The following MAGI1 variants were observed in gnomAD, a reference collection of about 807,000 sequenced individuals.
The protein encoded by MAGI1 is membrane associated guanylate kinase, WW and PDZ domain containing 1, also known as membrane-associated guanylate kinase, WW and PDZ domain-containing protein 1.
In MAGI1, 58 loss-of-function variants were observed where a neutral mutation model predicts 139.9. The observed-to-expected ratio is 0.41, with a 90% CI of 0.34 to 0.52. The LOEUF is 0.52. MAGI1 is among the 20% of genes least tolerant of loss of function. The pLI is 0.12. For synonymous variants in MAGI1, 812 were observed against 737.9 expected (o/e 1.10, Z -1.63); for missense variants, 1,874 against 1,901.6 (o/e 0.99, Z 0.27).
At chr3:65,925,690 T>G (rs200826333) in intron 1 of MAGI1, among the ~76,000 whole-genome samples, 1 of 11,206 alleles carries the variant, frequency 8.9e-5, no homozygotes, top group East Asian at 0.25. Flanking sequence ...ATGGACTAAC[T>G]TTTTTTTTAG....
intron 1 of MAGI1, among the ~76,000 whole-genome samples, chr3:65,900,738 T>C (rs894266509): frequency 6.6e-5 from 10 of 152,340 alleles, no homozygotes; most frequent in African/African-American, 2.4e-4. Context: ...AAAGACATAC[T>C]TTCAGCCATC....
At chr3:65,443,814 A>G (rs571970525) in intron 7 of MAGI1, among the ~76,000 whole-genome samples, 1 of 152,328 alleles carries the variant, frequency 6.6e-6, no homozygotes, top group Non-Finnish European at 1.5e-5. Flanking sequence ...TTAGTCCTAG[A>G]AGTAGCTATT....
chr3:65,707,625 A>G lies in MAGI1; in HGVS notation c.314-85537T>C, dbSNP rs190020247. On this transcript the variant is annotated intron_variant, in intron 1 of 22. Transcript: ENST00000402939. Reference sequence around the variant, plus strand: ...GGACTGCTTAAACCTGAGAGGTTGAAGCTACAGTGAACCATGATGGGGTCA... The same window carrying G: ...GGACTGCTTAAACCTGAGAGGTTGAGGCTACAGTGAACCATGATGGGGTCA... 2.1e-3 allele frequency among the ~76,000 whole-genome samples: 315 copies of G among 150,902 alleles called. 2 individuals are homozygous for G. The highest frequency in any genetic ancestry group is 7.3e-3 in the African/African-American group (298 of 41,074).
At chr3:65,722,099 A>C (rs1303730976) in intron 1 of MAGI1, among the ~76,000 whole-genome samples, 1 of 152,142 alleles carries the variant, frequency 6.6e-6, no homozygotes, top group African/African-American at 2.4e-5. Flanking sequence ...GTGCTCTCAC[A>C]GTAGAGCAAG....
At chr3:65,725,230 C>T (rs532581382) in intron 1 of MAGI1, among the ~76,000 whole-genome samples, 16 of 152,246 alleles carry the variant, frequency 1.1e-4, no homozygotes, top group African/African-American at 3.9e-4. Context: ...GACTCTGGAA[C>T]AATAATGTCA....
At chr3:65,634,272 T>C (rs922272833) in intron 1 of MAGI1, among the ~76,000 whole-genome samples, 2 of 152,180 alleles carry the variant, frequency 1.3e-5, no homozygotes, top group Non-Finnish European at 2.9e-5. Flanking sequence ...AGCACCAGTA[T>C]AGAAAATAAA....
chr3:65,355,636 AC>A lies in MAGI1; in HGVS notation c.*741del, dbSNP rs1940164333. On this transcript the variant is annotated 3_prime_UTR_variant, in exon 23 of 23. Coordinates refer to ENST00000402939, the MANE Select transcript of MAGI1 (RefSeq NM_001033057.2). ...ATTTTATCAGATGTTGGTGATGATCACGAACCTGACTGTCTGTGCTTGGGCT... is the reference window on the plus strand; with the variant it reads ...ATTTTATCAGATGTTGGTGATGATCAGAACCTGACTGTCTGTGCTTGGGCT... 1 of 152,714 alleles carries A rather than the reference AC, an allele frequency of 6.5e-6. No individual in the cohort carries two copies. The highest frequency in any genetic ancestry group is 1.5e-5 in the Non-Finnish European group (1 of 68,062). 9.5% of individuals were successfully genotyped at this position (152,714 alleles called of 1,614,324 possible).
chr3:65,941,177 C>A (rs1297106929), intron 1 of MAGI1, among the ~76,000 whole-genome samples: 2 of 152,060 alleles, frequency 1.3e-5, no homozygotes, highest in Non-Finnish European at 1.5e-5. Flanking sequence ...GAAACCCCAT[C>A]TCTACTAAAA....
At chr3:65,681,893 G>A (rs2087615646) in intron 1 of MAGI1, among the ~76,000 whole-genome samples, 1 of 151,994 alleles carries the variant, frequency 6.6e-6, no homozygotes, top group Non-Finnish European at 1.5e-5. Flanking sequence ...AAAAGATGAG[G>A]TCTCGATAGG....
intron 1 of MAGI1, among the ~76,000 whole-genome samples, chr3:65,746,341 C>G (rs1323050384): frequency 1.3e-5 from 2 of 152,144 alleles, no homozygotes; most frequent in Admixed American, 1.3e-4. Flanking sequence ...GCCCTGAATT[C>G]TTAATTCAAT....
intron 1 of MAGI1, among the ~76,000 whole-genome samples, chr3:65,635,629 T>C (rs1407601036): frequency 6.6e-6 from 1 of 152,110 alleles, no homozygotes; most frequent in Non-Finnish European, 1.5e-5. Flanking sequence ...TAATCCAGGG[T>C]TTTAGGAATC....
At chr3:66,013,754 C>T (rs1291468835) in intron 1 of MAGI1, among the ~76,000 whole-genome samples, 3 of 144,900 alleles carry the variant, frequency 2.1e-5, no homozygotes, top group Non-Finnish European at 3.0e-5. Flanking sequence ...GAGTGAGACT[C>T]TGTCTCAAAA....
chr3:65,663,771 G>T (rs548570845), intron 1 of MAGI1, among the ~76,000 whole-genome samples: 35 of 152,120 alleles, frequency 2.3e-4, no homozygotes, highest in Non-Finnish European at 4.3e-4. Context: ...ACTGTAAGAT[G>T]TTCAGCAGTA....
chr3:65,856,577 T>C (rs2059384871), intron 1 of MAGI1, among the ~76,000 whole-genome samples: 1 of 152,190 alleles, frequency 6.6e-6, no homozygotes, highest in African/African-American at 2.4e-5. Flanking sequence ...AGATGCTGCA[T>C]GACTATAGAA....
At chr3:65,679,262 A>C (rs911797234) in intron 1 of MAGI1, among the ~76,000 whole-genome samples, 1 of 152,238 alleles carries the variant, frequency 6.6e-6, no homozygotes, top group African/African-American at 2.4e-5. Context: ...GACAGGTCTT[A>C]AAATCCAGCA....
intron 2 of MAGI1, among the ~76,000 whole-genome samples, chr3:65,515,195 A>T (rs2107773889): frequency 6.9e-6 from 1 of 145,258 alleles, no homozygotes; most frequent in Non-Finnish European, 1.5e-5. Context: ...GCATTGGGAG[A>T]TATACCTAAT....
chr3:65,462,846 T>C (rs867761467), intron 5 of MAGI1, among the ~76,000 whole-genome samples: 1 of 152,120 alleles, frequency 6.6e-6, no homozygotes, highest in Non-Finnish European at 1.5e-5. Flanking sequence ...CCCTTGTAAG[T>C]TGTATTCCTG....
intron 12 of MAGI1, among the ~76,000 whole-genome samples, chr3:65,422,271 T>C (rs1946682015): frequency 6.6e-6 from 1 of 152,218 alleles, no homozygotes; most frequent in Non-Finnish European, 1.5e-5. Context: ...GACAAGATGC[T>C]GGAGAACAGG....
chr3:66,018,269 A>G (rs1189325809), intron 1 of MAGI1, among the ~76,000 whole-genome samples: 1 of 152,188 alleles, frequency 6.6e-6, no homozygotes, highest in Non-Finnish European at 1.5e-5. Context: ...TGCTACCACC[A>G]GGGGATGTAA....
Sources: gnomAD v4.1 joint callset for allele counts (sites outside exome capture counted in the v4.1 genomes callset) on GRCh38, gnomAD v4.1.1 for gene constraint, MANE v1.5 for transcripts, NCBI Gene and HGNC (gene_info 2026-07-23, HGNC 2026-07-21) for gene names.